MPHOSPH10: variants seen among roughly 807,000 people sequenced by gnomAD.
MPHOSPH10 encodes the protein M-phase phosphoprotein 10.
Under a neutral mutation model 77.3 loss-of-function variants are expected in MPHOSPH10, and 33 were observed. The observed-to-expected ratio is 0.43, with a 90% confidence interval of 0.32 to 0.57. The LOEUF (loss-of-function observed/expected upper bound fraction) is 0.57. MPHOSPH10 is among the 20% of genes least tolerant of loss of function. The probability of loss-of-function intolerance (pLI) is 0.07; values close to 1 mark genes in which losing one functional copy is unlikely to be tolerated. For synonymous variants in MPHOSPH10, 245 were observed against 268.0 expected (o/e 0.91, Z 0.84); for missense variants, 708 against 780.1 (o/e 0.91, Z 1.10).
At chr2:71,142,048 A>G (rs373937918) in intron 7 of MPHOSPH10, among the ~76,000 whole-genome samples, 5 of 142,374 alleles carry the variant, frequency 3.5e-5, no homozygotes, top group South Asian at 4.6e-4. Flanking sequence ...AGAAAGAAAG[A>G]AAGGAAGAAA....
At chr2:71,142,415 G>T (rs183247511) in intron 7 of MPHOSPH10, among the ~76,000 whole-genome samples, 1 of 152,308 alleles carries the variant, frequency 6.6e-6, no homozygotes, top group Non-Finnish European at 1.5e-5. Flanking sequence ...TGATGACCAC[G>T]AGAATTAAAA....
intron 7 of MPHOSPH10, among the ~76,000 whole-genome samples, chr2:71,143,605 G>A (rs1222177656): frequency 6.6e-6 from 1 of 152,102 alleles, no homozygotes; most frequent in Admixed American, 6.6e-5. Flanking sequence ...TACGCATTAA[G>A]CAGTTGCTAC....
chr2:71,138,131 G>T (rs1673531135), intron 4 of MPHOSPH10, among the ~76,000 whole-genome samples: 1 of 152,162 alleles, frequency 6.6e-6, no homozygotes, highest in Non-Finnish European at 1.5e-5. Context: ...TTTGAGTTTG[G>T]AGTCAAAAGG....
intron 8 of MPHOSPH10, among the ~76,000 whole-genome samples, chr2:71,147,337 G>T (rs1673735272): frequency 6.6e-6 from 1 of 152,174 alleles, no homozygotes; most frequent in African/African-American, 2.4e-5. Context: ...TTGAGGAAGA[G>T]ATGGAAGAAC....
intron 7 of MPHOSPH10, among the ~76,000 whole-genome samples, chr2:71,143,156 T>C (rs1347854145): frequency 6.6e-6 from 1 of 151,604 alleles, no homozygotes; most frequent in Non-Finnish European, 1.5e-5. Context: ...CTTTTTTTTT[T>C]TTTTGAGACG....
At chr2:71,132,597 G>A (rs1037715473) in intron 1 of MPHOSPH10, among the ~76,000 whole-genome samples, 21 of 152,194 alleles carry the variant, frequency 1.4e-4, no homozygotes, top group African/African-American at 4.8e-4. Flanking sequence ...ACAAATGAAT[G>A]GAGTGGTATA....
chr2:71,137,231 G>C (rs1301867704), intron 4 of MPHOSPH10, among the ~76,000 whole-genome samples: 1 of 151,786 alleles, frequency 6.6e-6, no homozygotes, highest in African/African-American at 2.4e-5. Flanking sequence ...CATCATGCAT[G>C]ATGCATGCAT....
At chr2:71,130,857 C>A in intron 1 of MPHOSPH10, 103 bp downstream of exon 1, 1 of 1,088,964 alleles carries the variant, frequency 9.2e-7, no homozygotes, top group Non-Finnish European at 1.3e-6. Context: ...TAAGGGGAAA[C>A]GTAAAATCGC....
chr2:71,135,306 G>A lies in MPHOSPH10; in HGVS notation c.1098+509G>A, dbSNP rs535488931. Among the ~76,000 whole-genome samples the A allele has an allele frequency of 1.4e-4, 22 of 152,000 alleles. No homozygotes were observed. The South Asian group carries it at 3.7e-3, about 26-fold the overall frequency. ...CATGCCTGTAATCCCAGCACTTTTC[G>A]GGGCTGAGGCAGGTGGATCACTTCA... On this transcript the variant is annotated intron_variant, in intron 4 of 10. Transcript: ENST00000244230.
intron 5 of MPHOSPH10, 81 bp downstream of exon 5, chr2:71,138,712 CT>C (rs1673548423): frequency 6.4e-7 from 1 of 1,574,208 alleles, no homozygotes; most frequent in African/African-American, 1.4e-5. Flanking sequence ...GGTGGTGTTT[CT>C]TTTCCCTCAA....
rs371766249 is a variant in MPHOSPH10 at position 71,133,214 on chromosome 2, G to A, written c.406G>A (p.Glu136Lys). 1 of 1,614,176 alleles carries A rather than the reference G, an allele frequency of 6.2e-7. No homozygotes were observed. Among genetic ancestry groups the A allele is most frequent in the Non-Finnish European group, 8.5e-7 (1 of 1,180,014 alleles). ...GGAGGACCTAGAAGATTTAGAGGAGGAGGAAGTGTCCGACATGGGTAATGA... is the reference window on the plus strand; with the variant it reads ...GGAGGACCTAGAAGATTTAGAGGAGAAGGAAGTGTCCGACATGGGTAATGA... ...DKEDLEDLEE[E>K]EVSDMGNDDP... Residue 136 changes from glutamate (E) to lysine (K), a missense_variant, in exon 2 of 11, where the codon GAG becomes AAG. By Grantham distance (56) the Glu-to-Lys change is moderately conservative. Transcript: ENST00000244230.
intron 10 of MPHOSPH10, 118 bp from the exon 11 acceptor site, chr2:71,149,748 C>G: frequency 1.1e-6 from 1 of 901,284 alleles, no homozygotes. Flanking sequence ...TTCTGTAATT[C>G]TAGTCCTTTT....
At chr2:71,136,333 G>A (rs1673488641) in intron 4 of MPHOSPH10, among the ~76,000 whole-genome samples, 1 of 152,076 alleles carries the variant, frequency 6.6e-6, no homozygotes, top group African/African-American at 2.4e-5. Flanking sequence ...GGGCAACAGG[G>A]CAAAAGCCCG....
intron 3 of MPHOSPH10, 122 bp downstream of exon 3, chr2:71,134,227 A>G (rs1673443467): frequency 4.1e-6 from 4 of 966,474 alleles, no homozygotes; most frequent in Non-Finnish European, 2.9e-6. Context: ...GATATTCTCA[A>G]GATAGCCAGA....
At chr2:71,141,849 G>A (rs1478160350) in intron 7 of MPHOSPH10, among the ~76,000 whole-genome samples, 3 of 152,042 alleles carry the variant, frequency 2.0e-5, no homozygotes, top group Admixed American at 2.0e-4. Flanking sequence ...GGCCAACATA[G>A]TGAAACCCCA....
At chr2:71,139,730 G>A in intron 5 of MPHOSPH10, 65 bp from the exon 6 acceptor site, 1 of 1,150,402 alleles carries the variant, frequency 8.7e-7, no homozygotes, top group Non-Finnish European at 1.3e-6. Context: ...GTGGGTCCAA[G>A]GACTGCACTG....
intron 3 of MPHOSPH10, 27 bp from the exon 4 acceptor site, chr2:71,134,599 C>T: frequency 1.3e-6 from 2 of 1,559,494 alleles, no homozygotes; most frequent in Middle Eastern, 1.7e-4. Context: ...TAGTATATTT[C>T]TTTTTATAAG....
chr2:71,148,168 C>G (rs909032574), intron 9 of MPHOSPH10, 62 bp downstream of exon 9: 6 of 1,396,536 alleles, frequency 4.3e-6, no homozygotes, highest in Non-Finnish European at 6.1e-6. Flanking sequence ...TAGCCAGACT[C>G]CATTTATTTG....
At position 71,133,248 on chromosome 2, in the gene MPHOSPH10, A is replaced by C; in HGVS notation, c.440A>C (p.Glu147Ala). 6.2e-7 allele frequency: 1 copy of C among 1,614,170 alleles called. No homozygotes were observed. The highest frequency in any genetic ancestry group is 8.5e-7 in the Non-Finnish European group (1 of 1,180,026). ...EVSDMGNDDP[E>A]MGERAENSSK... The stretch of plus-strand genomic sequence containing the variant: ...TCCGACATGGGTAATGATGATCCTG[A>C]AATGGGTGAGAGAGCTGAAAACTCA... The change falls in exon 2 of 11, where the codon GAA becomes GCA. Residue 147 changes from glutamate (E) to alanine (A), a missense_variant. Glu to Ala is a moderately radical substitution (Grantham distance 107). Transcript: ENST00000244230.
Sources: gnomAD v4.1 joint callset for allele counts (sites outside exome capture counted in the v4.1 genomes callset) on GRCh38, gnomAD v4.1.1 for gene constraint, MANE v1.5 for transcripts, NCBI Gene and HGNC (gene_info 2026-07-23, HGNC 2026-07-21) for gene names.